The following IL17REL variants were observed in gnomAD, a reference collection of about 807,000 sequenced individuals.
IL17REL encodes the protein interleukin 17 receptor E like.
In IL17REL, 36 loss-of-function variants were observed where a neutral mutation model predicts 49.0. That is an observed-to-expected ratio of 0.73 (90% CI 0.56 to 0.97). The LOEUF is 0.97. Among genes scored for constraint, IL17REL ranks in the 50% least tolerant of loss-of-function variants. The pLI is 0.00. For missense variants in IL17REL, 470 were observed against 453.9 expected (o/e 1.04, Z -0.32); for synonymous variants, 206 against 192.4 (o/e 1.07, Z -0.58).
rs1366950137 is a variant in IL17REL, at chr22:49,998,045, G to A, written c.799C>T (p.Gln267Ter). The change falls in exon 9 of 13, where the codon CAG (glutamine) becomes TAG (stop). Residue 267 changes from glutamine to a stop codon, truncating the protein, a stop_gained. Coordinates refer to ENST00000341280, the Ensembl canonical transcript of IL17REL. LOFTEE classifies it high-confidence loss of function. ...CTCACCTTCAGGCAGAGCTGGGGCT[G>A]GGTGTCCACCAGCGGGTACTGCACC... The A allele has an allele frequency of 6.3e-7, 1 of 1,594,740 alleles. No homozygotes were observed. Among genetic ancestry groups the A allele is most frequent in the Non-Finnish European group, 8.5e-7 (1 of 1,175,290 alleles).
chr22:49,992,139 ATC>A (rs2061009693), downstream of IL17REL, among the ~76,000 whole-genome samples: 1 of 152,192 alleles, frequency 6.6e-6, no homozygotes, highest in African/African-American at 2.4e-5. Flanking sequence ...AGTTCTGTCT[ATC>A]CTTTGTCCAC....
chr22:49,992,893 A>C (rs2146730728), downstream of IL17REL, among the ~76,000 whole-genome samples: 1 of 152,310 alleles, frequency 6.6e-6, no homozygotes, highest in East Asian at 1.9e-4. Flanking sequence ...CTGGGATTAC[A>C]GGCGGGAGCC....
Position 49,996,985 on chromosome 22 carries a change from G to C in IL17REL, c.*44+9C>G, listed in dbSNP as rs754279034. 6.9e-7 allele frequency: 1 copy of C among 1,441,454 alleles called. No homozygotes were observed. The highest frequency in any genetic ancestry group is 9.4e-7 in the Non-Finnish European group (1 of 1,065,214). The allele number at this position is 1,441,454 out of a possible 1,614,324, so 89.3% of individuals were successfully genotyped here. A position where few individuals can be genotyped will look rare whatever the true frequency, so the allele number is the denominator to read the frequency against. ...ATGGCTAGGGGCTGGGCACAGCAGC[G>C]ACACCCACCTGGATGCAGATGCCTG... On this transcript the variant is annotated intron_variant, in intron 12 of 12. Transcript: ENST00000341280.
chr22:50,004,969 G>GAAAAA (rs2061100935), intron 1 of IL17REL, among the ~76,000 whole-genome samples: 3 of 65,244 alleles, frequency 4.6e-5, no homozygotes, highest in African/African-American at 1.4e-4. Context: ...AAACCAGAAA[G>GAAAAA]TAAAAAAAAA....
At chr22:49,996,700 C>T (rs897555096) in exon 13 of IL17REL, 3 of 310,474 alleles carry the variant, frequency 9.7e-6, no homozygotes, top group African/African-American at 4.4e-5. Context: ...CTCCCCGTTT[C>T]CCCCACCCAG....
Position 50,000,868 on chromosome 22 carries a change from G to A in IL17REL, c.110-5C>T, listed in dbSNP as rs1485971100. ...CCTCCAGGCCCCGCAGGCGCTCTGG[G>A]TGGAGGAAGGACCCGGCAGGGTGCA... On this transcript the variant is annotated splice_polypyrimidine_tract_variant and splice_region_variant and intron_variant, in intron 2 of 12. Transcript: ENST00000341280. 5 of 1,537,210 alleles carry A rather than the reference G, an allele frequency of 3.3e-6. No homozygotes were observed. Among genetic ancestry groups the A allele is most frequent in the Non-Finnish European group, 4.4e-6 (5 of 1,145,150 alleles).
downstream of IL17REL, among the ~76,000 whole-genome samples, chr22:49,993,546 G>A (rs570603244): frequency 2.3e-4 from 35 of 152,160 alleles, no homozygotes; most frequent in Non-Finnish European, 4.7e-4. This position sits in a 1 kb window ranked among gnomAD's most constrained non-coding sequence, Gnocchi z 6.0. Context: ...AGCCACTGCC[G>A]CCTGGTGGCA....
chr22:50,011,557 C>G (rs867852708), upstream of IL17REL, among the ~76,000 whole-genome samples: 4 of 152,064 alleles, frequency 2.6e-5, no homozygotes, highest in Non-Finnish European at 4.4e-5. Flanking sequence ...TCTCCTTCCC[C>G]CTCCTAGCCA....
upstream of IL17REL, among the ~76,000 whole-genome samples, chr22:50,010,728 G>T (rs907053225): frequency 6.6e-6 from 1 of 152,092 alleles, no homozygotes; most frequent in Non-Finnish European, 1.5e-5. Context: ...TGTCGGGGGC[G>T]CGGAACGTCG....
chr22:49,997,960 C>G, intron 9 of IL17REL, 65 bp downstream of exon 11: 1 of 1,555,924 alleles, frequency 6.4e-7, no homozygotes. Context: ...CTGCCCCACT[C>G]CCCGCCCTGA....
At position 49,999,298 on chromosome 22, in the gene IL17REL, A is replaced by C. The variant is rs750168754; in HGVS notation, c.594T>G (p.Phe198Leu). ...GCATCGCAGGACACTTGCCGTTTTC[A>C]AAGGGGCAGATCTGGATCCGCACCG... The change falls in exon 7 of 13, where the codon TTT (phenylalanine) becomes TTG (leucine). Residue 198 changes from phenylalanine to leucine, a missense_variant. By Grantham distance (22) the Phe-to-Leu change is conservative. Transcript: ENST00000341280. The C allele has an allele frequency of 2.5e-6, 4 of 1,612,850 alleles. No homozygotes were observed. The African/African-American group carries it at 5.3e-5, about 22-fold the overall frequency.
chr22:49,999,374 C>G (rs772904947), intron 6 of IL17REL, 29 bp from the exon 9 acceptor site: 3 of 1,612,806 alleles, frequency 1.9e-6, no homozygotes, highest in Non-Finnish European at 2.5e-6. Flanking sequence ...TCAGCGCAGC[C>G]CACCCATCCC....
At chr22:49,998,968 CAT>C (rs1491270425) in intron 7 of IL17REL, among the ~76,000 whole-genome samples, 1 of 152,046 alleles carries the variant, frequency 6.6e-6, no homozygotes, top group Non-Finnish European at 1.5e-5. Flanking sequence ...GGTGTCTGTG[CAT>C]GTGTGTGTGT....
upstream of IL17REL, among the ~76,000 whole-genome samples, chr22:50,009,870 G>A (rs570772673): frequency 1.3e-5 from 2 of 152,404 alleles, no homozygotes; most frequent in South Asian, 2.1e-4. Flanking sequence ...CCGTGCATCT[G>A]CAAAACCTGG....
Position 50,006,265 on chromosome 22 carries a change from A to G in IL17REL, c.-42+2372T>C, listed in dbSNP as rs550712786. On this transcript the variant is annotated intron_variant, in intron 1 of 12. Transcript: ENST00000341280. ...AAAGCTCCCCCAAAGCCCACAACCC[A>G]GTACAGATTCACAGCCCAGGTTGGG... Among the ~76,000 whole-genome samples the G allele has an allele frequency of 1.2e-3, 182 of 152,238 alleles. 1 individual carries two copies. Among genetic ancestry groups the G allele is most frequent in the African/African-American group, 4.1e-3 (172 of 41,576 alleles).
chr22:50,000,117 G>A (rs2061069087), intron 4 of IL17REL, 79 bp downstream of exon 6: 1 of 924,736 alleles, frequency 1.1e-6, no homozygotes, highest in South Asian at 2.0e-5. Flanking sequence ...TTTCCCAAAT[G>A]GGGCAGAAGA....
exon 11 of IL17REL, chr22:49,997,355 G>C (rs142209556): frequency 1.2e-6 from 2 of 1,613,730 alleles, no homozygotes; most frequent in Admixed American, 1.7e-5. Context: ...TGGAGTGTGC[G>C]TTGGCAGGCA....
chr22:50,000,559 C>T (rs1443194365), exon 4 of IL17REL: 27 of 1,613,420 alleles, frequency 1.7e-5, no homozygotes, highest in Non-Finnish European at 1.9e-5. Flanking sequence ...TGCTGGGCCA[C>T]GCTCACCGCA....
At chr22:49,997,290 C>G in intron 11 of IL17REL, 30 bp downstream of exon 13, 1 of 1,604,318 alleles carries the variant, frequency 6.2e-7, no homozygotes, top group Non-Finnish European at 8.5e-7. Flanking sequence ...CCCCACCTCC[C>G]CAGGATGGAG....
Sources: gnomAD v4.1 joint callset for allele counts (sites outside exome capture counted in the v4.1 genomes callset) on GRCh38, gnomAD v4.1.1 for gene constraint, Gnocchi (gnomAD v3.1) non-coding constraint, MANE v1.5 for transcripts, NCBI Gene and HGNC (gene_info 2026-07-23, HGNC 2026-07-21) for gene names.